The following PDCD6 variants were observed in gnomAD, a reference collection of about 807,000 sequenced individuals.
PDCD6 encodes the protein programmed cell death protein 6.
Under a neutral mutation model 28.3 loss-of-function variants are expected in PDCD6, and 12 were observed. The observed-to-expected ratio is 0.42, with a 90% CI of 0.27 to 0.69. The LOEUF (loss-of-function observed/expected upper bound fraction) is 0.69. PDCD6 is among the 30% of genes least tolerant of loss of function. PDCD6 has a pLI of 0.22. For synonymous variants in PDCD6, 92 were observed against 108.0 expected (o/e 0.85, Z 0.92); for missense variants, 226 against 269.9 (o/e 0.84, Z 1.14).
chr5:276,035 G>A (rs1375733683), intron 2 of PDCD6: 5 of 1,275,974 alleles, frequency 3.9e-6, no homozygotes, highest in South Asian at 2.5e-5. Context: ...CCGCCCTTCA[G>A]GATGCCAGCC....
In PDCD6 at chr5:311,252, TC is replaced by T. The variant is rs34421451; in HGVS notation, c.368-40del. On this transcript the variant is annotated intron_variant, in intron 4 of 5. Transcript: ENST00000264933. ...GGTGAGTGTTGGCACATACCTCCCG[TC>T]TCTCCCAGCCTTCTCTGACTCTGAC... 727 of 1,492,646 alleles carry T rather than the reference TC, an allele frequency of 4.9e-4. 1 individual carries two copies. The African/African-American group carries it at 8.7e-3, about 18-fold the overall frequency. 92.5% of individuals were successfully genotyped at this position (1,492,646 alleles called of 1,614,324 possible).
At chr5:295,010 G>T (rs1267529653) in intron 2 of PDCD6, among the ~76,000 whole-genome samples, 1 of 152,138 alleles carries the variant, frequency 6.6e-6, no homozygotes, top group Non-Finnish European at 1.5e-5. Flanking sequence ...GTTTCGAGGG[G>T]CTACGGGTGG....
chr5:311,602 A>T, intron 5 of PDCD6, 200 bp downstream of exon 5: 1 of 566,562 alleles, frequency 1.8e-6, no homozygotes, highest in South Asian at 2.1e-5. Flanking sequence ...TGGAAATGGC[A>T]CAGAGCAGCC....
At position 271,677 on chromosome 5, in the gene PDCD6, T is replaced by A. The variant is rs1226401265; in HGVS notation, c.-44T>A. ...GGAAGCGGAGTCGGCCTGAGAGGTC[T>A]CTCGTCGCTGCAGGCGCCTCAGCCC... On this transcript the variant is annotated 5_prime_UTR_variant, in exon 1 of 6. Coordinates refer to ENST00000264933, the MANE Select transcript of PDCD6 (RefSeq NM_013232.4). 5 of 1,178,570 alleles carry A rather than the reference T, an allele frequency of 4.2e-6. No individual in the cohort carries two copies. Among genetic ancestry groups the A allele is most frequent in the South Asian group, 1.3e-5 (1 of 77,258 alleles). The allele number at this position is 1,178,570 out of a possible 1,614,324, so 73.0% of individuals were successfully genotyped here. A position where few individuals can be genotyped will look rare whatever the true frequency, so the allele number is the denominator to read the frequency against.
intron 2 of PDCD6, among the ~76,000 whole-genome samples, chr5:287,686 T>C (rs1228811590): frequency 2.0e-5 from 3 of 152,222 alleles, no homozygotes; most frequent in Non-Finnish European, 4.4e-5. Flanking sequence ...TTTTTCTTCA[T>C]GTTCAAAAAT....
At chr5:278,959 G>T (rs561233505) in intron 2 of PDCD6, among the ~76,000 whole-genome samples, 3 of 152,098 alleles carry the variant, frequency 2.0e-5, no homozygotes, top group African/African-American at 7.2e-5. Flanking sequence ...CACGGGGTGT[G>T]GGCCACCTGT....
chr5:281,475 C>T (rs1456069473), intron 2 of PDCD6, among the ~76,000 whole-genome samples: 1 of 152,084 alleles, frequency 6.6e-6, no homozygotes, highest in African/African-American at 2.4e-5. Context: ...AGTGAAGGAG[C>T]TGGTTTGGCT....
intron 4 of PDCD6, chr5:309,529 C>G (rs1302257491): frequency 8.5e-6 from 2 of 234,616 alleles, no homozygotes; most frequent in Non-Finnish European, 1.7e-5. Context: ...TCTCCTCTGT[C>G]CTTCCCCAGC....
intron 2 of PDCD6, among the ~76,000 whole-genome samples, chr5:281,830 T>C (rs193113030): frequency 6.6e-6 from 1 of 151,786 alleles, no homozygotes; most frequent in African/African-American, 2.4e-5. Context: ...AGATTGAGCA[T>C]TGTGCAGCTG....
chr5:311,463 G>T, intron 5 of PDCD6, 61 bp downstream of exon 5: 1 of 1,085,192 alleles, frequency 9.2e-7, no homozygotes, highest in Non-Finnish European at 1.4e-6. Context: ...TTGCCAGCGT[G>T]ATGCACCTGA....
intron 2 of PDCD6, chr5:289,190 T>A: frequency 1.2e-6 from 1 of 827,440 alleles, no homozygotes. Flanking sequence ...ACTTAAATTT[T>A]ATTTTCAGAA....
intron 4 of PDCD6, chr5:309,290 G>T (rs73734216): frequency 0.012 from 1,851 of 155,672 alleles, 27 homozygotes; most frequent in African/African-American, 0.042. Context: ...GCCTCATGTG[G>T]ACTGACTTTC....
At position 307,048 on chromosome 5, in the gene PDCD6, A is replaced by G. The variant is rs1740544593; in HGVS notation, c.367+288A>G. On this transcript the variant is annotated intron_variant, in intron 4 of 5. Coordinates refer to ENST00000264933, the MANE Select transcript of PDCD6 (RefSeq NM_013232.4). This position sits in a 1 kb window ranked among gnomAD's most constrained non-coding sequence, Gnocchi z 6.1. ...CAAAACTGAGAATGTGGCTTTTGAA[A>G]TCATTTAAAAGTGGATCCATGAAAA... Among the ~76,000 whole-genome samples, 1 of 152,230 alleles carries G rather than the reference A, an allele frequency of 6.6e-6. No individual in the cohort carries two copies. The highest frequency in any genetic ancestry group is 2.4e-5 in the African/African-American group (1 of 41,462).
intron 2 of PDCD6, among the ~76,000 whole-genome samples, chr5:274,341 A>G (rs3961021): frequency 2.2e-4 from 34 of 152,328 alleles, no homozygotes; most frequent in South Asian, 8.3e-4. Flanking sequence ...ACTTGCTCAA[A>G]TAGGAGTGGT....
intron 2 of PDCD6, among the ~76,000 whole-genome samples, chr5:302,491 C>CTGTGTGTG (rs111715060): frequency 9.4e-5 from 5 of 53,364 alleles, no homozygotes; most frequent in Admixed American, 5.9e-4. Flanking sequence ...AGTGCTGCTG[C>CTGTGTGTG]TGTGTGTGTG....
rs1191226759 is a variant in PDCD6, at chr5:278,315, A to T, written c.163+5543A>T. ...CACTGGGGATAGGGTGATAAATGAG[A>T]TCAACAAAAATACCTGCCCACATTA... On this transcript the variant is annotated intron_variant, in intron 2 of 5. Coordinates refer to ENST00000264933, the MANE Select transcript of PDCD6 (RefSeq NM_013232.4). Among the ~76,000 whole-genome samples, 6 of 152,116 alleles carry T rather than the reference A, an allele frequency of 3.9e-5. No individual in the cohort carries two copies. In the East Asian group the frequency reaches 9.7e-4, roughly 24 times the overall value.
intron 2 of PDCD6, among the ~76,000 whole-genome samples, chr5:288,503 T>A (rs1739123029): frequency 6.6e-6 from 1 of 150,860 alleles, no homozygotes; most frequent in Non-Finnish European, 1.5e-5. Context: ...TGTGATAATC[T>A]CAAAAAACTT....
chr5:285,702 C>CG (rs1738910507), intron 2 of PDCD6, among the ~76,000 whole-genome samples: 1 of 151,782 alleles, frequency 6.6e-6, no homozygotes, highest in Non-Finnish European at 1.5e-5. Flanking sequence ...GCTGGCGACC[C>CG]GGGGGCGGGC....
At chr5:279,654 G>A (rs1262373490) in intron 2 of PDCD6, among the ~76,000 whole-genome samples, 1 of 151,912 alleles carries the variant, frequency 6.6e-6, no homozygotes, top group East Asian at 1.9e-4. Flanking sequence ...TGTGTGGGAA[G>A]GTGGAGTTAT....
Sources: allele counts gnomAD v4.1 joint callset (sites outside exome capture counted in the v4.1 genomes callset), GRCh38; gene constraint gnomAD v4.1.1; non-coding constraint Gnocchi (gnomAD v3.1); transcripts MANE v1.5; gene names NCBI Gene and HGNC (gene_info 2026-07-23, HGNC 2026-07-21).